Variants in SLC2A10 observed in about 807,000 individuals in gnomAD.
The protein encoded by SLC2A10 is solute carrier family 2, facilitated glucose transporter member 10.
Under a neutral mutation model 32.1 loss-of-function variants are expected in SLC2A10, and 25 were observed. The observed-to-expected ratio is 0.78, with a 90% CI of 0.57 to 1.09. The LOEUF (loss-of-function observed/expected upper bound fraction) is 1.09, where lower values mean the gene tolerates loss of function less well. Among genes scored for constraint, SLC2A10 ranks in the 50% least tolerant of loss-of-function variants. The probability of loss-of-function intolerance (pLI) is 0.00; values close to 1 mark genes in which losing one functional copy is unlikely to be tolerated. For missense variants in SLC2A10, 673 were observed against 686.5 expected (o/e 0.98, Z 0.22); for synonymous variants, 332 against 309.6 (o/e 1.07, Z -0.76).
intron 1 of SLC2A10, among the ~76,000 whole-genome samples, chr20:46,711,764 A>C (rs915733200): frequency 6.6e-6 from 1 of 152,172 alleles, no homozygotes; most frequent in South Asian, 2.1e-4. Context: ...TTCTAGACCC[A>C]ATTCCTCTCA....
At position 46,733,905 on chromosome 20, in the gene SLC2A10, C is replaced by T; in HGVS notation, c.*71C>T. The T allele has an allele frequency of 3.5e-6, 5 of 1,441,702 alleles. No individual in the cohort carries two copies. Among genetic ancestry groups the T allele is most frequent in the Non-Finnish European group, 3.9e-6 (4 of 1,032,280 alleles). The allele number at this position is 1,441,702 out of a possible 1,614,324, so 89.3% of individuals were successfully genotyped here. ...CATCTCCAGCATCCTGCTTCCTAGG[C>T]CCCAGAGCACAAGTTCCAGCTGGTC... On this transcript the variant is annotated 3_prime_UTR_variant, in exon 5 of 5. Coordinates refer to ENST00000359271, the MANE Select transcript of SLC2A10 (RefSeq NM_030777.4).
rs1235031498 is a variant in SLC2A10, at chr20:46,725,204, G to A, written c.168G>A (p.Leu56=). 2.2e-5 allele frequency: 35 copies of A among 1,614,118 alleles called. No individual in the cohort carries two copies. The highest frequency in any genetic ancestry group is 2.8e-5 in the Non-Finnish European group (33 of 1,180,004). Residue 56 remains leucine, a synonymous_variant, in exon 2 of 5, where the codon CTG becomes CTA. Coordinates refer to ENST00000359271, the MANE Select transcript of SLC2A10 (RefSeq NM_030777.4). ...EQEFLVGSLL[L]GALLASLVGG... is the part of the protein sequence containing the mutation. ...AGTTCCTGGTGGGCAGCCTGCTCCT[G>A]GGGGCTCTCCTCGCCTCCCTGGTTG...
In SLC2A10 at chr20:46,716,980, G is replaced by A. The variant is rs190655998; in HGVS notation, c.4+7240G>A. Among the ~76,000 whole-genome samples the A allele has an allele frequency of 4.5e-3, 682 of 152,198 alleles. 22 individuals carry two copies. The South Asian group carries it at 0.059, about 13-fold the overall frequency. ...GGAGGTTGCAGTGAGCCGGAATTAC[G>A]CCACTGCGCTCCAGCCTGGGAAACA... On this transcript the variant is annotated intron_variant, in intron 1 of 4. Coordinates refer to ENST00000359271, the MANE Select transcript of SLC2A10 (RefSeq NM_030777.4).
At chr20:46,719,447 G>A (rs1467511951) in intron 1 of SLC2A10, among the ~76,000 whole-genome samples, 4 of 152,216 alleles carry the variant, frequency 2.6e-5, no homozygotes, top group Non-Finnish European at 5.9e-5. Context: ...ATGTGTCTGG[G>A]GAGGCCTCAA....
chr20:46,732,036 C>T (rs1180135725), intron 4 of SLC2A10, among the ~76,000 whole-genome samples: 2 of 152,110 alleles, frequency 1.3e-5, no homozygotes, highest in Admixed American at 1.3e-4. Flanking sequence ...AGGCAGATGC[C>T]GGTAGAGCCG....
intron 4 of SLC2A10, 62 bp downstream of exon 4, chr20:46,729,550 C>A: frequency 6.3e-7 from 1 of 1,576,236 alleles, no homozygotes; most frequent in Non-Finnish European, 8.7e-7. Context: ...CACACAGCTT[C>A]AGGATTTTAG....
chr20:46,733,784 A>T lies in SLC2A10; in HGVS notation c.1576A>T (p.Asn526Tyr), dbSNP rs1470941735. 1.2e-6 allele frequency: 2 copies of T among 1,614,046 alleles called. No individual in the cohort carries two copies. The highest frequency in any genetic ancestry group is 2.7e-5 in the African/African-American group (2 of 74,930). ...CACCCTGAGCTTTGGCCACAGGCAGAACTCCACTGGCATCCCGTACAGCCG... is the reference window on the plus strand; with the variant it reads ...CACCCTGAGCTTTGGCCACAGGCAGTACTCCACTGGCATCCCGTACAGCCG... ...RFTLSFGHRQ[N>Y]STGIPYSRIE... The change falls in exon 5 of 5, where the codon AAC becomes TAC. Residue 526 changes from asparagine to tyrosine, a missense_variant. Coordinates refer to ENST00000359271, the MANE Select transcript of SLC2A10 (RefSeq NM_030777.4).
At chr20:46,722,461 T>A (rs887849138) in intron 1 of SLC2A10, among the ~76,000 whole-genome samples, 3 of 152,238 alleles carry the variant, frequency 2.0e-5, no homozygotes, top group African/African-American at 7.2e-5. Context: ...TGATCATGTC[T>A]TCAGACTTTC....
rs1191372146 is a variant in SLC2A10, at chr20:46,734,183, C to G, written c.*349C>G. 2.7e-6 allele frequency: 1 copy of G among 374,256 alleles called. No individual in the cohort carries two copies. The highest frequency in any genetic ancestry group is 5.0e-6 in the Non-Finnish European group (1 of 199,224). The allele number at this position is 374,256 out of a possible 1,614,324, so 23.2% of individuals were successfully genotyped here. A position where few individuals can be genotyped will look rare whatever the true frequency, so the allele number is the denominator to read the frequency against. ...AAGGGTACCAATCCTGGCAGGAAGT[C>G]TCTCCCGATATCACCCCTAAATCCA... On this transcript the variant is annotated 3_prime_UTR_variant, in exon 5 of 5. Transcript: ENST00000359271.
chr20:46,709,871 C>G, intron 1 of SLC2A10, 131 bp downstream of exon 1: 1 of 1,134,004 alleles, frequency 8.8e-7, no homozygotes, highest in Non-Finnish European at 1.3e-6. Context: ...TACCGCCTCT[C>G]GGGTGGCCAG....
chr20:46,733,848 C>T lies in SLC2A10; in HGVS notation c.*14C>T, dbSNP rs1340749140. 2 of 1,612,758 alleles carry T rather than the reference C, an allele frequency of 1.2e-6. No homozygotes were observed. The highest frequency in any genetic ancestry group is 8.5e-7 in the Non-Finnish European group (1 of 1,178,798). ...GCGGCCTCCTGAGGAATCCGTCTGC[C>T]TGGAAATTCTGGAACTGTGGCTTTG... On this transcript the variant is annotated 3_prime_UTR_variant, in exon 5 of 5. Coordinates refer to ENST00000359271, the MANE Select transcript of SLC2A10 (RefSeq NM_030777.4).
chr20:46,726,106 C>T lies in SLC2A10; in HGVS notation c.1070C>T (p.Pro357Leu). ...LLQDSSLPPI[P>L]RTNEDQREPI... ...CAGGACTCCTCTCTACCTCCCATTC[C>T]AAGGACCAATGAGGACCAAAGGGAG... The change falls in exon 2 of 5, where the codon CCA (proline) becomes CTA (leucine). Residue 357 changes from proline to leucine, a missense_variant. Coordinates refer to ENST00000359271, the MANE Select transcript of SLC2A10 (RefSeq NM_030777.4). 1 of 1,614,274 alleles carries T rather than the reference C, an allele frequency of 6.2e-7. No homozygotes were observed. The highest frequency in any genetic ancestry group is 8.5e-7 in the Non-Finnish European group (1 of 1,180,050).
At chr20:46,708,590 A>G (rs186730965), upstream of SLC2A10, among the ~76,000 whole-genome samples, 1 of 152,224 alleles carries the variant, frequency 6.6e-6, no homozygotes, top group East Asian at 1.9e-4. Context: ...TGATCTGCCT[A>G]CTTTTCTCCA....
chr20:46,735,534 A>G lies in SLC2A10; in HGVS notation c.*1700A>G, dbSNP rs1052591011. The stretch of plus-strand genomic sequence containing the variant: ...TGTGCTTTTGAGGCTATTTCTACAT[A>G]GTAACTCTTATGGAGACCTAGGGGA... On this transcript the variant is annotated 3_prime_UTR_variant, in exon 5 of 5. Transcript: ENST00000359271. The G allele has an allele frequency of 6.6e-6, 1 of 152,342 alleles. No individual in the cohort carries two copies. The highest frequency in any genetic ancestry group is 1.5e-5 in the Non-Finnish European group (1 of 68,034). The allele number at this position is 152,342 out of a possible 1,614,324, so 9.4% of individuals were successfully genotyped here.
intron 1 of SLC2A10, among the ~76,000 whole-genome samples, chr20:46,715,029 G>T (rs1427903106): frequency 6.6e-6 from 1 of 152,164 alleles, no homozygotes; most frequent in Non-Finnish European, 1.5e-5. Flanking sequence ...TTGGGAGGCA[G>T]GCAGGTCAGC....
chr20:46,710,013 C>T (rs565069439), intron 1 of SLC2A10: 132 of 525,920 alleles, frequency 2.5e-4, no homozygotes, highest in African/African-American at 2.5e-3. Flanking sequence ...CTCTCCCGGG[C>T]GCCCTGATCC....
chr20:46,731,723 C>G (rs957883900), intron 4 of SLC2A10, among the ~76,000 whole-genome samples: 7 of 151,978 alleles, frequency 4.6e-5, no homozygotes, highest in Non-Finnish European at 8.8e-5. Flanking sequence ...CATCTCTGTC[C>G]CTAGAGTTCA....
In SLC2A10 at chr20:46,725,323, GT is replaced by G; in HGVS notation, c.289del (p.Ser97ProfsTer148). ...GGCAGCCTGACCCTGGGCCTGGCTG[GT>G]TCCCTGGCCTGGCTGGTCCTGGGCC... ...LAGSLTLGLA[G>X]SLAWLVLGRA... On this transcript the variant is annotated frameshift_variant, in exon 2 of 5. Coordinates refer to ENST00000359271, the MANE Select transcript of SLC2A10 (RefSeq NM_030777.4). LOFTEE classifies it high-confidence loss of function. The G allele has an allele frequency of 4.3e-6, 7 of 1,614,082 alleles. No homozygotes were observed. Among genetic ancestry groups the G allele is most frequent in the Non-Finnish European group, 5.9e-6 (7 of 1,180,012 alleles).
chr20:46,717,086 T>G (rs1274485673), intron 1 of SLC2A10, among the ~76,000 whole-genome samples: 4 of 152,182 alleles, frequency 2.6e-5, no homozygotes, highest in African/African-American at 9.7e-5. Flanking sequence ...ATTTTCTACA[T>G]GTGGTTGGCT....
Sources: allele counts gnomAD v4.1 joint callset (sites outside exome capture counted in the v4.1 genomes callset), GRCh38; gene constraint gnomAD v4.1.1; transcripts MANE v1.5; gene names NCBI Gene and HGNC (gene_info 2026-07-23, HGNC 2026-07-21).